The following DNAJC1 variants were observed in gnomAD, a reference collection of about 807,000 sequenced individuals.
DNAJC1 encodes dnaJ homolog subfamily C member 1.
A neutral mutation model predicts 76.6 loss-of-function variants in DNAJC1; 58 were observed. That is an observed-to-expected ratio of 0.76 (90% confidence interval 0.61 to 0.94). The LOEUF (loss-of-function observed/expected upper bound fraction) is 0.94, where lower values mean the gene tolerates loss of function less well. Ranked by LOEUF, DNAJC1 falls within the 40% of genes least tolerant of loss-of-function variation. The pLI, the probability that DNAJC1 is intolerant of heterozygous loss-of-function variation, is 0.00. For missense variants in DNAJC1, 689 were observed against 677.3 expected, an observed-to-expected ratio of 1.02 and a Z score of -0.19; for synonymous variants, 258 against 267.9, an observed-to-expected ratio of 0.96 and a Z score of 0.36.
chr10:21,908,442 A>G (rs540728244), intron 6 of DNAJC1, among the ~76,000 whole-genome samples: 4 of 148,190 alleles, frequency 2.7e-5, no homozygotes, highest in African/African-American at 9.9e-5. Context: ...TCAAAAGAGG[A>G]TGAATAAGAT....
intron 7 of DNAJC1, among the ~76,000 whole-genome samples, chr10:21,883,289 CA>C: frequency 6.7e-6 from 1 of 148,318 alleles, no homozygotes; most frequent in African/African-American, 2.6e-5. Context: ...CACACACACA[CA>C]CACACCATTT....
chr10:21,817,571 G>A (rs908722524), intron 8 of DNAJC1, among the ~76,000 whole-genome samples: 1 of 151,832 alleles, frequency 6.6e-6, no homozygotes, highest in Admixed American at 6.6e-5. Context: ...ATTTTCTTAA[G>A]ACCTCCTAGG....
intron 1 of DNAJC1, among the ~76,000 whole-genome samples, chr10:21,933,761 G>A (rs1837265716): frequency 6.6e-6 from 1 of 152,098 alleles, no homozygotes; most frequent in Admixed American, 6.5e-5. Context: ...ACAATACAAT[G>A]GAGCTTTAAA....
At chr10:21,862,161 G>A (rs1021272317) in intron 8 of DNAJC1, among the ~76,000 whole-genome samples, 63 of 151,880 alleles carry the variant, frequency 4.1e-4, no homozygotes, top group African/African-American at 1.3e-3. Context: ...CAGGTGATCC[G>A]CCTGCCTCAG....
chr10:22,000,164 A>G (rs1358633434), intron 1 of DNAJC1, among the ~76,000 whole-genome samples: 2 of 152,208 alleles, frequency 1.3e-5, no homozygotes, highest in African/African-American at 4.8e-5. Context: ...CCATCAGTAA[A>G]ATTCTGTTTG....
intron 8 of DNAJC1, among the ~76,000 whole-genome samples, chr10:21,827,393 C>A (rs1240157723): frequency 6.6e-6 from 1 of 152,168 alleles, no homozygotes; most frequent in African/African-American, 2.4e-5. Context: ...ACTGTGTCTT[C>A]ATTTCCTAGG....
intron 10 of DNAJC1, among the ~76,000 whole-genome samples, chr10:21,764,487 T>C (rs1834273259): frequency 6.6e-6 from 1 of 152,186 alleles, no homozygotes; most frequent in African/African-American, 2.4e-5. Context: ...TCTGGGTGTG[T>C]TCTTATCTGT....
chr10:21,832,680 G>C (rs1835379480), intron 8 of DNAJC1, among the ~76,000 whole-genome samples: 1 of 152,046 alleles, frequency 6.6e-6, no homozygotes. Flanking sequence ...ACTTCACTCA[G>C]GAATTTATTA....
chr10:21,804,515 T>C (rs1365461048), intron 9 of DNAJC1, among the ~76,000 whole-genome samples: 1 of 152,040 alleles, frequency 6.6e-6, no homozygotes, highest in African/African-American at 2.4e-5. Context: ...TTTACTGATA[T>C]GTCATTATTA....
At chr10:21,871,014 C>T (rs1836094492) in intron 8 of DNAJC1, among the ~76,000 whole-genome samples, 1 of 152,016 alleles carries the variant, frequency 6.6e-6, no homozygotes, top group Non-Finnish European at 1.5e-5. Context: ...CTGTTTGGTA[C>T]CTCCCTGGAA....
chr10:21,928,986 G>A (rs1048155054), intron 2 of DNAJC1, 54 bp downstream of exon 2: 7 of 1,081,616 alleles, frequency 6.5e-6, no homozygotes, highest in Admixed American at 2.7e-5. Flanking sequence ...TTCTACCATC[G>A]ACATGTTAAT....
chr10:21,891,656 C>T (rs551390690), intron 7 of DNAJC1, among the ~76,000 whole-genome samples: 39 of 152,186 alleles, frequency 2.6e-4, no homozygotes, highest in African/African-American at 9.4e-4. Flanking sequence ...GGAAGTGGCA[C>T]AGCACTTTTC....
chr10:21,894,466 G>T (rs938923243), intron 7 of DNAJC1, among the ~76,000 whole-genome samples: 2 of 152,122 alleles, frequency 1.3e-5, no homozygotes, highest in African/African-American at 4.8e-5. Flanking sequence ...ACCTACTTGG[G>T]AGGCTAAGGC....
intron 8 of DNAJC1, among the ~76,000 whole-genome samples, chr10:21,850,198 A>T (rs1216644403): frequency 6.6e-6 from 1 of 152,198 alleles, no homozygotes; most frequent in Non-Finnish European, 1.5e-5. Context: ...CACAGATATC[A>T]TCTGATATGT....
intron 9 of DNAJC1, among the ~76,000 whole-genome samples, chr10:21,799,679 C>G (rs925080375): frequency 6.6e-6 from 1 of 152,116 alleles, no homozygotes; most frequent in Non-Finnish European, 1.5e-5. Context: ...TGAAACCTCC[C>G]TCCCTCCCAG....
At chr10:21,862,777 A>G (rs933808709) in intron 8 of DNAJC1, among the ~76,000 whole-genome samples, 11 of 152,072 alleles carry the variant, frequency 7.2e-5, no homozygotes, top group African/African-American at 2.7e-4. Flanking sequence ...TTAAAGCATT[A>G]ACACTTAGAA....
chr10:21,870,510 A>T (rs1386134956), intron 8 of DNAJC1, among the ~76,000 whole-genome samples: 2 of 152,166 alleles, frequency 1.3e-5, no homozygotes, highest in Non-Finnish European at 2.9e-5. Flanking sequence ...ACAGTGGCTC[A>T]TGCCTGTAAT....
intron 6 of DNAJC1, among the ~76,000 whole-genome samples, chr10:21,912,350 TAACA>T (rs1350714328): frequency 3.3e-5 from 5 of 152,304 alleles, no homozygotes; most frequent in African/African-American, 1.2e-4. Context: ...ACATCCTACC[TAACA>T]TTTTGTGGCT....
At chr10:21,818,587 C>T (rs190329306) in intron 8 of DNAJC1, among the ~76,000 whole-genome samples, 18 of 152,230 alleles carry the variant, frequency 1.2e-4, no homozygotes, top group Admixed American at 1.0e-3. Context: ...TGTGGGGCAT[C>T]ACGGAAACTG....
Sources: gnomAD v4.1 joint callset for allele counts (sites outside exome capture counted in the v4.1 genomes callset) on GRCh38, gnomAD v4.1.1 for gene constraint, MANE v1.5 for transcripts, NCBI Gene and HGNC (gene_info 2026-07-23, HGNC 2026-07-21) for gene names.